C12orf56: variants seen among roughly 807,000 people sequenced by gnomAD.
The protein encoded by C12orf56 is uncharacterized protein C12orf56.
In C12orf56, 71 loss-of-function variants were observed where a neutral mutation model predicts 69.9. That is an observed-to-expected ratio of 1.02 (90% confidence interval 0.84 to 1.24). The LOEUF (loss-of-function observed/expected upper bound fraction) is 1.24. C12orf56 is among the 50% of genes most tolerant of loss of function. The pLI is 0.00. For synonymous variants in C12orf56, 276 were observed against 274.1 expected, an observed-to-expected ratio of 1.01 and a Z score of -0.07; for missense variants, 732 against 738.5, an observed-to-expected ratio of 0.99 and a Z score of 0.10.
chr12:64,333,132 T>C (rs991762058), intron 2 of C12orf56, among the ~76,000 whole-genome samples: 12 of 152,142 alleles, frequency 7.9e-5, no homozygotes, highest in African/African-American at 2.9e-4. Context: ...TTTGAGCCCA[T>C]CTCCTGCTTC....
intron 6 of C12orf56, among the ~76,000 whole-genome samples, chr12:64,302,159 C>T (rs542327167): frequency 2.8e-4 from 42 of 152,286 alleles, no homozygotes; most frequent in African/African-American, 1.0e-3. Context: ...GTCATATTTT[C>T]CACAATCTTC....
intron 9 of C12orf56, among the ~76,000 whole-genome samples, chr12:64,275,673 GC>G (rs1479434019): frequency 6.6e-6 from 1 of 152,034 alleles, no homozygotes; most frequent in Non-Finnish European, 1.5e-5. Flanking sequence ...TCACTATATT[GC>G]CCAGGCTGGT....
At chr12:64,363,595 C>G (rs1489501045) in intron 1 of C12orf56, among the ~76,000 whole-genome samples, 1 of 152,178 alleles carries the variant, frequency 6.6e-6, no homozygotes, top group Non-Finnish European at 1.5e-5. Flanking sequence ...TCTTTGGAAC[C>G]AGCACCTACT....
chr12:64,294,194 G>A (rs1269795341), intron 6 of C12orf56, among the ~76,000 whole-genome samples: 1 of 151,970 alleles, frequency 6.6e-6, no homozygotes, highest in African/African-American at 2.4e-5. Flanking sequence ...AGCAAGTGTT[G>A]GCAAGGACAT....
chr12:64,379,822 G>T (rs1488226206), intron 1 of C12orf56, among the ~76,000 whole-genome samples: 2 of 149,418 alleles, frequency 1.3e-5, no homozygotes, highest in South Asian at 2.1e-4. Flanking sequence ...AGTGGCTCAC[G>T]CCTGTAATCC....
At chr12:64,323,858 A>G (rs2038803668) in intron 3 of C12orf56, among the ~76,000 whole-genome samples, 1 of 152,204 alleles carries the variant, frequency 6.6e-6, no homozygotes, top group East Asian at 1.9e-4. Flanking sequence ...TTGGAGGAAA[A>G]CAATGGAACT....
intron 2 of C12orf56, among the ~76,000 whole-genome samples, chr12:64,345,554 A>G (rs56050324): frequency 0.44 from 66,384 of 151,946 alleles, 14,851 homozygotes; most frequent in Admixed American, 0.56. Context: ...CACCTGGTGA[A>G]GCTGTGCATG....
At position 64,266,441 on chromosome 12, in the gene C12orf56, A is replaced by G; in HGVS notation, c.*742T>C. 3.9e-6 allele frequency: 1 copy of G among 257,994 alleles called. No individual in the cohort carries two copies. 16.0% of individuals were successfully genotyped at this position (257,994 alleles called of 1,614,324 possible). ...CGGCCTTGGTGGTTTCTGGTGCAGG[A>G]ACTGAGAGACCCTTTGGTGTTCTAC... On this transcript the variant is annotated 3_prime_UTR_variant, in exon 13 of 13. Transcript: ENST00000543942.
intron 5 of C12orf56, among the ~76,000 whole-genome samples, chr12:64,307,732 T>C (rs928982042): frequency 6.6e-6 from 1 of 151,660 alleles, no homozygotes; most frequent in Admixed American, 6.6e-5. Flanking sequence ...CTGGGCGTGG[T>C]GGCCCAGGGG....
rs1592403152 is a variant in C12orf56 at position 64,265,913 on chromosome 12, G to A, written c.*1270C>T. On this transcript the variant is annotated 3_prime_UTR_variant, in exon 13 of 13. Coordinates refer to ENST00000543942, the MANE Select transcript of C12orf56 (RefSeq NM_001170633.2). ...GGTTGTGGGAGAGCCATAACTGCTC[G>A]TAGACAATTTATCTTTCATAGAGAC... 1.3e-5 allele frequency: 2 copies of A among 152,156 alleles called. No individual in the cohort carries two copies. The highest frequency in any genetic ancestry group is 2.1e-4 in the South Asian group (1 of 4,830). 9.4% of individuals were successfully genotyped at this position (152,156 alleles called of 1,614,324 possible). A position where few individuals can be genotyped will look rare whatever the true frequency, so the allele number is the denominator to read the frequency against.
chr12:64,268,994 G>C (rs1226218200), intron 12 of C12orf56, among the ~76,000 whole-genome samples: 1 of 152,104 alleles, frequency 6.6e-6, no homozygotes, highest in Admixed American at 6.5e-5. Flanking sequence ...AAATTAGCTA[G>C]GCGTGATGGT....
At chr12:64,379,927 C>CAAAAAAAAAA (rs200293677) in intron 1 of C12orf56, among the ~76,000 whole-genome samples, 26 of 114,064 alleles carry the variant, frequency 2.3e-4, no homozygotes, top group African/African-American at 8.8e-4. Flanking sequence ...ACTAAAAATA[C>CAAAAAAAAAA]AAAAAAAAAA....
At chr12:64,299,978 G>A (rs1420299050) in intron 6 of C12orf56, among the ~76,000 whole-genome samples, 1 of 152,036 alleles carries the variant, frequency 6.6e-6, no homozygotes, top group Non-Finnish European at 1.5e-5. Context: ...GCCACATGTG[G>A]CTAGTGTCTG....
chr12:64,301,006 T>C (rs2038437749), intron 6 of C12orf56, among the ~76,000 whole-genome samples: 2 of 152,182 alleles, frequency 1.3e-5, no homozygotes, highest in Admixed American at 1.3e-4. Context: ...GGTTTAAAAG[T>C]GGCAGTTTCC....
chr12:64,269,228 C>T (rs1020935635), intron 12 of C12orf56, among the ~76,000 whole-genome samples: 6 of 151,786 alleles, frequency 4.0e-5, no homozygotes, highest in East Asian at 3.9e-4. Flanking sequence ...CATCCTTTTA[C>T]GTCTTCATCC....
intron 1 of C12orf56, among the ~76,000 whole-genome samples, chr12:64,380,198 A>C (rs2039702150): frequency 6.6e-6 from 1 of 151,128 alleles, no homozygotes; most frequent in Non-Finnish European, 1.5e-5. Flanking sequence ...CACAATATGC[A>C]CAAAGAAGCG....
rs147570897 is a variant in C12orf56 at position 64,300,361 on chromosome 12, C to T, written c.1113+3274G>A. Among the ~76,000 whole-genome samples, 95 of 152,208 alleles carry T rather than the reference C, an allele frequency of 6.2e-4. 1 individual carries two copies. The East Asian group carries it at 0.017, about 27-fold the overall frequency. ...TTTTTTTGTTCCACAGCCTAGGCCA[C>T]AGGTATCAGGCCTGTTTTTAAACTG... On this transcript the variant is annotated intron_variant, in intron 6 of 12. Transcript: ENST00000543942.
At chr12:64,322,698 C>T (rs2038788382) in intron 3 of C12orf56, among the ~76,000 whole-genome samples, 1 of 152,100 alleles carries the variant, frequency 6.6e-6, no homozygotes, top group East Asian at 1.9e-4. Context: ...CATCATTAGG[C>T]CCAAAACATG....
At chr12:64,367,439 G>A (rs1454875927) in intron 1 of C12orf56, among the ~76,000 whole-genome samples, 1 of 149,512 alleles carries the variant, frequency 6.7e-6, no homozygotes, top group African/African-American at 2.4e-5. Flanking sequence ...CTTCTATTAT[G>A]AGATAGTACA....
Sources: allele counts gnomAD v4.1 joint callset (sites outside exome capture counted in the v4.1 genomes callset), GRCh38; gene constraint gnomAD v4.1.1; transcripts MANE v1.5; gene names NCBI Gene and HGNC (gene_info 2026-07-23, HGNC 2026-07-21).